The following TAOK3 variants were observed in gnomAD, a reference collection of about 807,000 sequenced individuals.
The protein encoded by TAOK3 is TAO kinase 3.
In TAOK3, 40 loss-of-function variants were observed where a neutral mutation model predicts 120.4. The ratio of observed to expected loss-of-function variants is 0.33; its 90% CI spans 0.26 to 0.43. The LOEUF (loss-of-function observed/expected upper bound fraction) is 0.43, where lower values mean the gene tolerates loss of function less well. Ranked by LOEUF, TAOK3 falls within the 20% of genes least tolerant of loss-of-function variation. The pLI, the probability that TAOK3 is intolerant of heterozygous loss-of-function variation, is 1.00. For missense variants in TAOK3, 821 were observed against 1,112.1 expected, an observed-to-expected ratio of 0.74 and a Z score of 3.72; for synonymous variants, 355 against 387.5, an observed-to-expected ratio of 0.92 and a Z score of 0.99.
chr12:118,361,040 G>A (rs2045581139), intron 1 of TAOK3, among the ~76,000 whole-genome samples: 1 of 152,188 alleles, frequency 6.6e-6, no homozygotes, highest in African/African-American at 2.4e-5. Context: ...CCAATTACTT[G>A]TATATGCAGA....
intron 5 of TAOK3, among the ~76,000 whole-genome samples, chr12:118,239,560 TC>T (rs1487835043): frequency 6.6e-6 from 1 of 152,258 alleles, no homozygotes; most frequent in Non-Finnish European, 1.5e-5. Context: ...ATTTATTAAC[TC>T]CTTCACTACT....
intron 1 of TAOK3, among the ~76,000 whole-genome samples, chr12:118,278,020 A>G (rs1406515864): frequency 6.6e-6 from 1 of 151,992 alleles, no homozygotes; most frequent in African/African-American, 2.4e-5. Flanking sequence ...CTTTAAAGCA[A>G]TTTTCACACA....
At chr12:118,236,223 G>A (rs1033756777) in intron 7 of TAOK3, 2 of 152,730 alleles carry the variant, frequency 1.3e-5, no homozygotes, top group Non-Finnish European at 2.9e-5. Context: ...CAACTCTAAG[G>A]CATTTGAGGT....
At chr12:118,250,782 A>T (rs2040716858) in intron 3 of TAOK3, among the ~76,000 whole-genome samples, 1 of 152,246 alleles carries the variant, frequency 6.6e-6, no homozygotes, top group Admixed American at 6.5e-5. Flanking sequence ...GGTATTTGTT[A>T]CTTTGAGAAC....
chr12:118,275,125 A>T (rs2041860456), intron 1 of TAOK3, among the ~76,000 whole-genome samples: 1 of 151,856 alleles, frequency 6.6e-6, no homozygotes, highest in Admixed American at 6.6e-5. Flanking sequence ...CTTTTTTTTC[A>T]TTTAAAAAAA....
intron 9 of TAOK3, among the ~76,000 whole-genome samples, chr12:118,227,862 T>C (rs2039581241): frequency 6.6e-6 from 1 of 152,184 alleles, no homozygotes; most frequent in Admixed American, 6.5e-5. Flanking sequence ...TACTGCTAAC[T>C]CTATGCTATG....
chr12:118,208,364 T>C (rs2139402677), intron 11 of TAOK3, among the ~76,000 whole-genome samples: 1 of 152,220 alleles, frequency 6.6e-6, no homozygotes, highest in Non-Finnish European at 1.5e-5. Flanking sequence ...AATTTTTGCA[T>C]AACTCTCCCC....
chr12:118,163,939 C>T (rs1256839270), intron 17 of TAOK3, among the ~76,000 whole-genome samples: 1 of 151,910 alleles, frequency 6.6e-6, no homozygotes, highest in Non-Finnish European at 1.5e-5. Context: ...CTCGAACTCC[C>T]GATCTCAGGT....
At chr12:118,214,366 T>C (rs1011115351) in intron 9 of TAOK3, among the ~76,000 whole-genome samples, 6 of 152,138 alleles carry the variant, frequency 3.9e-5, no homozygotes, top group African/African-American at 1.2e-4. Flanking sequence ...TTTTTTCTTT[T>C]TTTCACATAG....
rs560688999 is a variant in TAOK3, at chr12:118,206,560, T to C, written c.820-5097A>G. On this transcript the variant is annotated intron_variant, in intron 11 of 20. Transcript: ENST00000392533. ...CTAGGCCTTTGCCTTCACATCTCTA[T>C]GTTCTCTCTGCCTGCAATCCCATCT... is the stretch of plus-strand genomic sequence containing the variant. 1.8e-4 allele frequency among the ~76,000 whole-genome samples: 28 copies of C among 152,256 alleles called. No individual in the cohort carries two copies. The East Asian group carries it at 5.4e-3, about 29-fold the overall frequency.
intron 1 of TAOK3, among the ~76,000 whole-genome samples, chr12:118,312,738 C>T (rs946905096): frequency 1.3e-5 from 2 of 152,180 alleles, no homozygotes; most frequent in South Asian, 2.1e-4. Flanking sequence ...ACTTCTAGTA[C>T]AATTTTTTGT....
chr12:118,248,398 C>T (rs1305855140), intron 3 of TAOK3, among the ~76,000 whole-genome samples: 1 of 152,058 alleles, frequency 6.6e-6, no homozygotes, highest in Non-Finnish European at 1.5e-5. Context: ...ACAAAAATCT[C>T]TAACACTGTT....
intron 3 of TAOK3, among the ~76,000 whole-genome samples, chr12:118,252,695 C>A (rs2040807544): frequency 6.6e-6 from 1 of 151,408 alleles, no homozygotes; most frequent in Non-Finnish European, 1.5e-5. Context: ...GGAGTGTTAA[C>A]TAAGAAATTA....
At chr12:118,228,633 A>G (rs2039622568) in intron 9 of TAOK3, among the ~76,000 whole-genome samples, 1 of 152,214 alleles carries the variant, frequency 6.6e-6, no homozygotes, top group Non-Finnish European at 1.5e-5. Context: ...ACAGTATTCC[A>G]TAATTTATAC....
intron 9 of TAOK3, among the ~76,000 whole-genome samples, chr12:118,224,469 C>T (rs1225742358): frequency 6.6e-6 from 1 of 152,176 alleles, no homozygotes; most frequent in African/African-American, 2.4e-5. Context: ...TATTTCTGGA[C>T]ACAATCCATT....
chr12:118,278,926 C>G lies in TAOK3; in HGVS notation c.-193-12167G>C, dbSNP rs2041997091. 2.6e-5 allele frequency among the ~76,000 whole-genome samples: 4 copies of G among 152,144 alleles called. No individual in the cohort carries two copies. In the South Asian group the frequency reaches 8.3e-4, roughly 31 times the overall value. On this transcript the variant is annotated intron_variant, in intron 1 of 20. Transcript: ENST00000392533. ...GGTTCAAGCAATTCTCCTGCCTCAG[C>G]CTCTTGAGTAGCTGGGATTACAGGC...
intron 1 of TAOK3, among the ~76,000 whole-genome samples, chr12:118,348,258 GC>G (rs2141192204): frequency 6.6e-6 from 1 of 152,224 alleles, no homozygotes; most frequent in East Asian, 1.9e-4. Flanking sequence ...ATTCTATTTT[GC>G]CTTTAAAGGA....
chr12:118,151,221 C>T (rs1308714917), intron 20 of TAOK3, 63 bp from the exon 21 acceptor site: 16 of 1,565,182 alleles, frequency 1.0e-5, no homozygotes, highest in South Asian at 5.6e-5. Context: ...CACGTGCACG[C>T]GATACACCCA....
intron 1 of TAOK3, among the ~76,000 whole-genome samples, chr12:118,268,356 T>C (rs1224110421): frequency 6.6e-6 from 1 of 152,206 alleles, no homozygotes; most frequent in Non-Finnish European, 1.5e-5. Context: ...AATTTTTAGA[T>C]GCTTGACTAG....
Sources: gnomAD v4.1 joint callset for allele counts (sites outside exome capture counted in the v4.1 genomes callset) on GRCh38, gnomAD v4.1.1 for gene constraint, MANE v1.5 for transcripts, NCBI Gene and HGNC (gene_info 2026-07-23, HGNC 2026-07-21) for gene names.